The following IGFL2 variants were observed in gnomAD, a reference collection of about 807,000 sequenced individuals.
IGFL2 encodes insulin growth factor-like family member 2.
A neutral mutation model predicts 13.9 loss-of-function variants in IGFL2; 7 were observed. The ratio of observed to expected loss-of-function variants is 0.51; its 90% CI spans 0.29 to 0.95. The LOEUF (loss-of-function observed/expected upper bound fraction) is 0.95, where lower values mean the gene tolerates loss of function less well. Ranked by LOEUF, IGFL2 falls within the 40% of genes least tolerant of loss-of-function variation. The pLI is 0.08. For missense variants in IGFL2, 138 were observed against 147.8 expected, an observed-to-expected ratio of 0.93 and a Z score of 0.34; for synonymous variants, 55 against 55.8, an observed-to-expected ratio of 0.99 and a Z score of 0.07.
upstream of IGFL2, among the ~76,000 whole-genome samples, chr19:46,146,234 A>G (rs543956094): frequency 7.2e-5 from 11 of 151,736 alleles, 1 homozygote; most frequent in East Asian, 2.1e-3. Flanking sequence ...AATTGCCTTT[A>G]CATCTTTGCC....
At chr19:46,148,917 G>A (rs1973288383) in intron 1 of IGFL2, 6 of 1,553,024 alleles carry the variant, frequency 3.9e-6, no homozygotes, top group Non-Finnish European at 5.2e-6. Context: ...TCCTGCCCTC[G>A]AACCAGACCC....
At chr19:46,104,788 G>A in the IGFL2 span, among the ~76,000 whole-genome samples, 2 of 152,230 alleles carry the variant, frequency 1.3e-5, no homozygotes, top group African/African-American at 4.8e-5. Context: ...GAAAGGAAAT[G>A]AGAGGTTCTA....
the IGFL2 span, among the ~76,000 whole-genome samples, chr19:46,125,696 A>G: frequency 1.3e-5 from 2 of 152,090 alleles, no homozygotes; most frequent in Non-Finnish European, 2.9e-5. Context: ...CTTCCTGTAC[A>G]TGTGCGGAGG....
At chr19:46,123,830 T>A in the IGFL2 span, 1 of 1,537,898 alleles carries the variant, frequency 6.5e-7, no homozygotes, top group Admixed American at 1.9e-5. Context: ...TCAAGCCCTC[T>A]GTATCCCTCA....
chr19:46,105,015 T>C, the IGFL2 span, among the ~76,000 whole-genome samples: 4 of 152,182 alleles, frequency 2.6e-5, no homozygotes, highest in South Asian at 8.3e-4. Context: ...GAAGTTGGAA[T>C]GCTAGCTGCT....
chr19:46,121,406 AAAAG>A, the IGFL2 span, among the ~76,000 whole-genome samples: 7 of 148,754 alleles, frequency 4.7e-5, no homozygotes, highest in Non-Finnish European at 1.0e-4. Flanking sequence ...AAAAAAAAAA[AAAAG>A]AAGAAGAAAA....
chr19:46,147,705 C>T (rs980286349), upstream of IGFL2: 1 of 152,252 alleles, frequency 6.6e-6, no homozygotes, highest in Non-Finnish European at 1.5e-5. Context: ...GGTGTGCCTG[C>T]CTACCAGACA....
the IGFL2 span, among the ~76,000 whole-genome samples, chr19:46,188,633 A>G: frequency 2.1e-4 from 32 of 152,170 alleles, no homozygotes; most frequent in African/African-American, 6.7e-4. Context: ...TCCATGACCA[A>G]TGGTTTTCAG....
the IGFL2 span, among the ~76,000 whole-genome samples, chr19:46,104,701 G>A: frequency 2.6e-5 from 4 of 152,146 alleles, no homozygotes; most frequent in Admixed American, 6.6e-5. Flanking sequence ...GAGCGGGCCT[G>A]AACAATCCCT....
chr19:46,177,384 C>T, the IGFL2 span, among the ~76,000 whole-genome samples: 1 of 152,084 alleles, frequency 6.6e-6, no homozygotes, highest in Non-Finnish European at 1.5e-5. Context: ...TAGAGTGAGA[C>T]TCCGTCTCAA....
At chr19:46,168,973 T>C in the IGFL2 span, among the ~76,000 whole-genome samples, 1 of 151,878 alleles carries the variant, frequency 6.6e-6, no homozygotes, top group Non-Finnish European at 1.5e-5. Context: ...CCACTAAGAT[T>C]ATTTGGAAAC....
At chr19:46,209,363 G>A in the IGFL2 span, 1 of 152,110 alleles carries the variant, frequency 6.6e-6, no homozygotes, top group Non-Finnish European at 1.5e-5. Context: ...TGCCCTATGG[G>A]GTCAGATGCA....
the IGFL2 span, among the ~76,000 whole-genome samples, chr19:46,182,533 A>G: frequency 6.6e-6 from 1 of 152,166 alleles, no homozygotes; most frequent in Non-Finnish European, 1.5e-5. Context: ...AAAACTTATA[A>G]TGTCACAGGC....
chr19:46,080,994 G>T, the IGFL2 span, among the ~76,000 whole-genome samples: 16 of 152,152 alleles, frequency 1.1e-4, no homozygotes, highest in African/African-American at 3.6e-4. Flanking sequence ...TGCTCATCAC[G>T]CACTGGGGAT....
chr19:46,188,269 G>T, the IGFL2 span, among the ~76,000 whole-genome samples: 1 of 152,112 alleles, frequency 6.6e-6, no homozygotes, highest in Non-Finnish European at 1.5e-5. Context: ...GCATGTCAGG[G>T]TTAGTGGGGG....
the IGFL2 span, among the ~76,000 whole-genome samples, chr19:46,192,613 G>A: frequency 5.9e-3 from 898 of 151,878 alleles, 7 homozygotes; most frequent in African/African-American, 0.02. Flanking sequence ...AGAGACAGGG[G>A]TTTCACCATG....
At chr19:46,164,792 G>A (rs1052025536), downstream of IGFL2, 1 of 152,240 alleles carries the variant, frequency 6.6e-6, no homozygotes, top group Non-Finnish European at 1.5e-5. Context: ...ACTAACTTCT[G>A]AGTCTTTTTT....
chr19:46,106,433 G>A, the IGFL2 span, among the ~76,000 whole-genome samples: 1 of 152,222 alleles, frequency 6.6e-6, no homozygotes, highest in Admixed American at 6.5e-5. Flanking sequence ...TGGCAGTACA[G>A]CCCAGGTAAG....
At chr19:46,128,048 G>A in the IGFL2 span, among the ~76,000 whole-genome samples, 1 of 152,030 alleles carries the variant, frequency 6.6e-6, no homozygotes, top group Non-Finnish European at 1.5e-5. Context: ...CACCTCCCTG[G>A]TTAGCTATAT....
Sources: gnomAD v4.1 joint callset for allele counts (sites outside exome capture counted in the v4.1 genomes callset) on GRCh38, gnomAD v4.1.1 for gene constraint, MANE v1.5 for transcripts, NCBI Gene and HGNC (gene_info 2026-07-23, HGNC 2026-07-21) for gene names.